BMP6: variants seen among roughly 807,000 people sequenced by gnomAD.
BMP6 encodes the protein bone morphogenetic protein 6.
Under a neutral mutation model 54.1 loss-of-function variants are expected in BMP6, and 17 were observed. The observed-to-expected ratio is 0.31, with a 90% CI of 0.22 to 0.47. The LOEUF (loss-of-function observed/expected upper bound fraction) is 0.47. BMP6 is among the 20% of genes least tolerant of loss of function. The pLI, the probability that BMP6 is intolerant of heterozygous loss-of-function variation, is 1.00. For missense variants in BMP6, 720 were observed against 690.4 expected, an observed-to-expected ratio of 1.04 and a Z score of -0.48; for synonymous variants, 328 against 291.2, an observed-to-expected ratio of 1.13 and a Z score of -1.28.
At chr6:7,802,870 C>A (rs1375537478) in intron 1 of BMP6, among the ~76,000 whole-genome samples, 2 of 152,162 alleles carry the variant, frequency 1.3e-5, no homozygotes, top group Non-Finnish European at 2.9e-5. Flanking sequence ...GCTGAATATG[C>A]GGTAGGGAAG....
chr6:7,853,623 C>T (rs936060374), intron 2 of BMP6, among the ~76,000 whole-genome samples: 2 of 152,120 alleles, frequency 1.3e-5, no homozygotes, highest in Non-Finnish European at 2.9e-5. Context: ...AGAAGAAAAC[C>T]AAAGCCTTTT....
intron 1 of BMP6, among the ~76,000 whole-genome samples, chr6:7,777,570 G>A (rs1757879769): frequency 6.6e-6 from 1 of 151,928 alleles, no homozygotes; most frequent in Non-Finnish European, 1.5e-5. Context: ...ATGTTTCTTA[G>A]AAGACTTCTG....
intron 1 of BMP6, among the ~76,000 whole-genome samples, chr6:7,769,096 A>G (rs1757743314): frequency 1.3e-5 from 2 of 152,246 alleles, no homozygotes; most frequent in Non-Finnish European, 2.9e-5. Flanking sequence ...ACGTGTTAAT[A>G]TGCTACTGCA....
At chr6:7,760,670 G>A (rs1297443689) in intron 1 of BMP6, among the ~76,000 whole-genome samples, 1 of 152,104 alleles carries the variant, frequency 6.6e-6, no homozygotes, top group East Asian at 1.9e-4. Flanking sequence ...GTTTCACCAT[G>A]TTAGCCAGGC....
intron 1 of BMP6, among the ~76,000 whole-genome samples, chr6:7,808,235 A>G (rs777066575): frequency 2.6e-5 from 4 of 152,196 alleles, no homozygotes; most frequent in Non-Finnish European, 4.4e-5. Flanking sequence ...TGTTAAAAGG[A>G]AAGAAAATAT....
intron 1 of BMP6, among the ~76,000 whole-genome samples, chr6:7,757,249 TTC>T: frequency 6.6e-6 from 1 of 152,332 alleles, no homozygotes; most frequent in Middle Eastern, 3.4e-3. Flanking sequence ...ACAAAGTTTA[TTC>T]TCTCATAGTT....
intron 1 of BMP6, among the ~76,000 whole-genome samples, chr6:7,836,414 G>T (rs1432114195): frequency 6.6e-6 from 1 of 152,106 alleles, no homozygotes; most frequent in East Asian, 1.9e-4. Context: ...TGTGATAAGG[G>T]GTCATAGAAT....
At chr6:7,740,713 A>G (rs1196976898) in intron 1 of BMP6, among the ~76,000 whole-genome samples, 2 of 152,168 alleles carry the variant, frequency 1.3e-5, no homozygotes, top group Non-Finnish European at 1.5e-5. Flanking sequence ...CCACAGTGCT[A>G]GTTACTCAGG....
intron 4 of BMP6, among the ~76,000 whole-genome samples, chr6:7,874,767 A>G (rs929703660): frequency 6.6e-6 from 1 of 151,870 alleles, no homozygotes; most frequent in Admixed American, 6.6e-5. Context: ...TTAAAAACCC[A>G]CAAAAACAAA....
intron 1 of BMP6, among the ~76,000 whole-genome samples, chr6:7,800,079 G>GGT (rs72469855): frequency 0.1 from 14,779 of 144,906 alleles, 707 homozygotes; most frequent in African/African-American, 0.14. Context: ...TAAAGGAAGG[G>GGT]GTGTGTGTGT....
intron 1 of BMP6, among the ~76,000 whole-genome samples, chr6:7,778,616 G>A (rs1439992535): frequency 6.6e-6 from 1 of 152,210 alleles, no homozygotes. Context: ...GCACAGGGTA[G>A]ACTTGAAGGA....
chr6:7,798,301 A>T (rs75027386), intron 1 of BMP6, among the ~76,000 whole-genome samples: 4,006 of 152,326 alleles, frequency 0.026, 71 homozygotes, highest in Non-Finnish European at 0.042. Context: ...GTAAGACCAG[A>T]GGGTGAGGAC....
rs939045905 is a variant in BMP6, at chr6:7,872,600, G to T, written c.1205-6474G>T. ...TTCCAGAGAAGGTTCTCTTTGTTGAGCATTGAGAGAGTCAAATCAACAGCA... is the reference window on the plus strand; with the variant it reads ...TTCCAGAGAAGGTTCTCTTTGTTGATCATTGAGAGAGTCAAATCAACAGCA... On this transcript the variant is annotated intron_variant, in intron 4 of 6. Coordinates refer to ENST00000283147, the MANE Select transcript of BMP6 (RefSeq NM_001718.6). Among the ~76,000 whole-genome samples the T allele has an allele frequency of 9.9e-5, 15 of 152,172 alleles. No homozygotes were observed. The South Asian group carries it at 1.0e-3, about 10-fold the overall frequency.
intron 4 of BMP6, among the ~76,000 whole-genome samples, chr6:7,876,826 T>C (rs1759627240): frequency 6.6e-6 from 1 of 152,218 alleles, no homozygotes. Flanking sequence ...CCCCATAATT[T>C]TGTTTTAAGG....
At chr6:7,784,433 G>GTCTGAGTGTGTGTAGGCA in intron 1 of BMP6, among the ~76,000 whole-genome samples, 1 of 142,238 alleles carries the variant, frequency 7.0e-6, no homozygotes, top group African/African-American at 2.8e-5. Context: ...GTGTGTAGGC[G>GTCTGAGTGTGTGTAGGCA]TCTGAGTGTG....
chr6:7,783,321 T>C (rs1757974935), intron 1 of BMP6, among the ~76,000 whole-genome samples: 1 of 152,236 alleles, frequency 6.6e-6, no homozygotes, highest in South Asian at 2.1e-4. Flanking sequence ...GAAAATTAAA[T>C]GAGATAACAT....
intron 1 of BMP6, among the ~76,000 whole-genome samples, chr6:7,781,686 C>G (rs534489378): frequency 6.6e-6 from 1 of 151,644 alleles, no homozygotes; most frequent in Admixed American, 6.6e-5. Context: ...GGTTATCAAT[C>G]AAGTGATCAT....
chr6:7,802,989 A>G (rs1239266082), intron 1 of BMP6, among the ~76,000 whole-genome samples: 1 of 152,228 alleles, frequency 6.6e-6, no homozygotes, highest in African/African-American at 2.4e-5. Context: ...GTTGCTATAC[A>G]GATGAACCTT....
At chr6:7,875,619 G>A (rs542333464) in intron 4 of BMP6, among the ~76,000 whole-genome samples, 1 of 152,182 alleles carries the variant, frequency 6.6e-6, no homozygotes, top group Non-Finnish European at 1.5e-5. Flanking sequence ...AGTGAGCCAT[G>A]ATTGTGCCAC....
Sources: allele counts gnomAD v4.1 joint callset (sites outside exome capture counted in the v4.1 genomes callset), GRCh38; gene constraint gnomAD v4.1.1; transcripts MANE v1.5; gene names NCBI Gene and HGNC (gene_info 2026-07-23, HGNC 2026-07-21).